DISP3: variants seen among roughly 807,000 people sequenced by gnomAD.
The protein encoded by DISP3 is protein dispatched homolog 3.
Under a neutral mutation model 135.3 loss-of-function variants are expected in DISP3, and 101 were observed. That is an observed-to-expected ratio of 0.75 (90% CI 0.64 to 0.88). The LOEUF (loss-of-function observed/expected upper bound fraction) is 0.88. Among genes scored for constraint, DISP3 ranks in the 40% least tolerant of loss-of-function variants. DISP3 has a pLI of 0.00. For synonymous variants in DISP3, 856 were observed against 817.0 expected, an observed-to-expected ratio of 1.05 and a Z score of -0.81; for missense variants, 1,713 against 1,878.6, an observed-to-expected ratio of 0.91 and a Z score of 1.63.
intron 1 of DISP3, among the ~76,000 whole-genome samples, chr1:11,492,121 C>CAAAA (rs59755389): frequency 8.1e-4 from 50 of 61,990 alleles, no homozygotes; most frequent in African/African-American, 1.3e-3. Flanking sequence ...GACTCCGTCT[C>CAAAA]AAAAAAAAAA....
At chr1:11,490,558 C>T (rs957581863) in intron 1 of DISP3, among the ~76,000 whole-genome samples, 4 of 152,188 alleles carry the variant, frequency 2.6e-5, no homozygotes, top group African/African-American at 9.7e-5. Context: ...CGTGAGCCAC[C>T]GTGACCGGCC....
At chr1:11,496,413 A>C (rs1451956880) in intron 1 of DISP3, among the ~76,000 whole-genome samples, 2 of 152,118 alleles carry the variant, frequency 1.3e-5, no homozygotes, top group African/African-American at 2.4e-5. Context: ...TTGGTCACTG[A>C]GAAGAACATT....
At chr1:11,509,190 C>T (rs772239938) in intron 3 of DISP3, among the ~76,000 whole-genome samples, 11 of 151,642 alleles carry the variant, frequency 7.3e-5, no homozygotes, top group Admixed American at 1.3e-4. Flanking sequence ...ATTTAGTTTT[C>T]GAATATTTGG....
Position 11,514,438 on chromosome 1 carries a change from G to A in DISP3, c.1365G>A (p.Val455=). The A allele has an allele frequency of 3.7e-6, 6 of 1,613,644 alleles. No individual in the cohort carries two copies. The highest frequency in any genetic ancestry group is 5.1e-6 in the Non-Finnish European group (6 of 1,179,478). Residue 455 remains valine, a synonymous_variant, in exon 4 of 21, where the codon GTG becomes GTA. Transcript: ENST00000294484. ...GGACAGACCTGTTTGACTATGAAGT[G>A]CGCAGGACGTTCAACAATGACATGC... The part of the protein sequence containing the change: ...YGGTDLFDYE[V]RRTFNNDMLL...
chr1:11,534,600 G>C lies in DISP3; in HGVS notation c.3535+60G>C, dbSNP rs1028692421. The C allele has an allele frequency of 5.2e-6, 8 of 1,549,676 alleles. No individual in the cohort carries two copies. The African/African-American group carries it at 9.5e-5, about 18-fold the overall frequency. On this transcript the variant is annotated intron_variant, in intron 18 of 20. Coordinates refer to ENST00000294484, the MANE Select transcript of DISP3 (RefSeq NM_020780.2). ...GCAGGAGGCAGAGGGACCTGGGGCC[G>C]GGAGGGCACAGAGCGGCCTGAGTCA...
chr1:11,526,291 C>T (rs1022927823), intron 12 of DISP3, among the ~76,000 whole-genome samples: 2 of 152,232 alleles, frequency 1.3e-5, no homozygotes, highest in Non-Finnish European at 2.9e-5. Context: ...GCCTTGCCCT[C>T]CTCTCCCTGC....
In DISP3 at chr1:11,529,481, C is replaced by T. The variant is rs530266202; in HGVS notation, c.2799-75C>T. ...TGACACCCCAGCCCCAGTCCCAACC[C>T]TGGCCTGCTGGCCTCACCTCCCCTG... On this transcript the variant is annotated intron_variant, in intron 13 of 20. Coordinates refer to ENST00000294484, the MANE Select transcript of DISP3 (RefSeq NM_020780.2). This position sits in a 1 kb window ranked among gnomAD's most constrained non-coding sequence, Gnocchi z 4.7. The T allele has an allele frequency of 1.7e-5, 25 of 1,487,740 alleles. No individual in the cohort carries two copies. In the African/African-American group the frequency reaches 3.4e-4, roughly 20 times the overall value. The allele number at this position is 1,487,740 out of a possible 1,614,324, so 92.2% of individuals were successfully genotyped here. A position where few individuals can be genotyped will look rare whatever the true frequency, so the allele number is the denominator to read the frequency against.
At chr1:11,517,774 A>T (rs3887379) in intron 7 of DISP3, among the ~76,000 whole-genome samples, 172 bp downstream of exon 7, 1 of 152,194 alleles carries the variant, frequency 6.6e-6, no homozygotes, top group Non-Finnish European at 1.5e-5. Context: ...TGGGATCACC[A>T]GTGTCACCAG....
chr1:11,505,684 A>G (rs569342890), intron 3 of DISP3, among the ~76,000 whole-genome samples: 6 of 152,366 alleles, frequency 3.9e-5, no homozygotes, highest in Admixed American at 6.5e-5. Flanking sequence ...TGCTTTTAAT[A>G]CTGGAATCTT....
intron 1 of DISP3, 33 bp from the exon 2 acceptor site, chr1:11,500,957 C>T (rs201983932): frequency 3.3e-4 from 539 of 1,609,742 alleles, no homozygotes; most frequent in Non-Finnish European, 4.5e-4. Context: ...CTCACTGTCT[C>T]TCTAGCCTGC....
chr1:11,523,100 AC>A (rs1220332415), intron 10 of DISP3, among the ~76,000 whole-genome samples: 2 of 152,130 alleles, frequency 1.3e-5, no homozygotes, highest in African/African-American at 4.8e-5. Flanking sequence ...CGAGGCCAGA[AC>A]CCAGCGGGGC....
intron 6 of DISP3, 143 bp from the exon 7 acceptor site, chr1:11,517,320 A>G: frequency 9.0e-7 from 1 of 1,106,700 alleles, no homozygotes; most frequent in Non-Finnish European, 1.3e-6. Flanking sequence ...AGTGCCTGGC[A>G]TTCTGGCAGC....
chr1:11,535,166 C>T (rs749680492), intron 19 of DISP3, 42 bp downstream of exon 19: 14 of 1,530,410 alleles, frequency 9.1e-6, no homozygotes, highest in Middle Eastern at 1.9e-4. Flanking sequence ...CTGGTAGGGA[C>T]GGGAACAGAC....
chr1:11,480,422 ATCC>A (rs1640866216), intron 1 of DISP3, among the ~76,000 whole-genome samples: 1 of 151,830 alleles, frequency 6.6e-6, no homozygotes. Flanking sequence ...CCCACCCACA[ATCC>A]TCAGGCGCAC....
chr1:11,480,383 C>G (rs1314773424), intron 1 of DISP3, among the ~76,000 whole-genome samples: 3 of 152,100 alleles, frequency 2.0e-5, no homozygotes, highest in Non-Finnish European at 4.4e-5. Context: ...GGAAAACAGT[C>G]CACACACATA....
intron 1 of DISP3, among the ~76,000 whole-genome samples, chr1:11,482,567 T>C (rs1640930253): frequency 6.6e-6 from 1 of 151,822 alleles, no homozygotes; most frequent in Admixed American, 6.6e-5. Context: ...AATGGTGGGG[T>C]GGTAGTAGTG....
chr1:11,514,573 C>T lies in DISP3; in HGVS notation c.1453+47C>T, dbSNP rs755632138. On this transcript the variant is annotated intron_variant, in intron 4 of 20. Transcript: ENST00000294484. ...CCCCCTCCTCCCCTCCCAGGGTGCT[C>T]CTGTCTGCCCAGAGCCTGCCTTCTC... 5.7e-6 allele frequency: 9 copies of T among 1,589,166 alleles called. No homozygotes were observed. The Middle Eastern group carries it at 5.9e-4, about 104-fold the overall frequency.
intron 1 of DISP3, among the ~76,000 whole-genome samples, chr1:11,497,574 G>C (rs1641371966): frequency 6.6e-6 from 1 of 152,124 alleles, no homozygotes; most frequent in Admixed American, 6.5e-5. Context: ...ATTTTTAGTA[G>C]AGACGGGGTT....
At position 11,536,411 on chromosome 1, in the gene DISP3, A is replaced by T. The variant is rs1364405290; in HGVS notation, c.3904A>T (p.Ile1302Phe). ...CGTCTCCAGTGCCCTCACCACGGTC[A>T]TCGCCACAGTGCCCCTCTTCTTCTG... is the stretch of plus-strand genomic sequence containing the variant. ...AIVSSALTTV[I>F]ATVPLFFCII... The change falls in exon 21 of 21, where the codon ATC (isoleucine) becomes TTC (phenylalanine). Residue 1302 changes from isoleucine (I) to phenylalanine (F), a missense_variant. Physicochemically the swap from Ile to Phe is conservative, Grantham distance 21. Around this residue, in one of 2 missense-constraint regions of DISP3, gnomAD observed 1,142 missense variants for 1,384.6 expected, o/e 0.82. Coordinates refer to ENST00000294484, the MANE Select transcript of DISP3 (RefSeq NM_020780.2). This position sits in a 1 kb window ranked among gnomAD's most constrained non-coding sequence, Gnocchi z 4.3. 1.2e-6 allele frequency: 2 copies of T among 1,612,808 alleles called. No individual in the cohort carries two copies. Among genetic ancestry groups the T allele is most frequent in the South Asian group, 2.2e-5 (2 of 91,092 alleles).
Sources: gnomAD v4.1 joint callset for allele counts (sites outside exome capture counted in the v4.1 genomes callset) on GRCh38, gnomAD v4.1.1 for gene constraint, gnomAD v4.1.1 regional missense constraint, Gnocchi (gnomAD v3.1) non-coding constraint, MANE v1.5 for transcripts, NCBI Gene and HGNC (gene_info 2026-07-23, HGNC 2026-07-21) for gene names.